Variants in NRXN3 observed in about 807,000 individuals in gnomAD.
The protein encoded by NRXN3 is neurexin III.
Under a neutral mutation model 137.6 loss-of-function variants are expected in NRXN3, and 32 were observed. That is an observed-to-expected ratio of 0.23 (90% confidence interval 0.18 to 0.31). NRXN3 has a LOEUF of 0.31. Among genes scored for constraint, NRXN3 ranks in the 10% least tolerant of loss-of-function variants. The pLI is 1.00. For synonymous variants in NRXN3, 798 were observed against 784.5 expected (o/e 1.02, Z -0.29); for missense variants, 1,574 against 2,062.5 (o/e 0.76, Z 4.59).
chr14:79,554,910 C>A (rs983927833), intron 16 of NRXN3, among the ~76,000 whole-genome samples: 1 of 152,126 alleles, frequency 6.6e-6, no homozygotes, highest in African/African-American at 2.4e-5. Context: ...CTTCCTCCTC[C>A]TTCAGGGAGT....
chr14:78,231,664 CTT>C lies in NRXN3; in HGVS notation c.-703-10725_-703-10724del, dbSNP rs2065418460. On this transcript the variant is annotated intron_variant, in intron 1 of 20. Transcript: ENST00000335750. The stretch of plus-strand genomic sequence containing the variant: ...GATCTGCACCCTTATTAGCATATGA[CTT>C]TGGAAAAATGACTTCATTTTCCAGA... 4 of 152,178 alleles carry C rather than the reference CTT, an allele frequency of 2.6e-5. No homozygotes were observed. In the South Asian group the frequency reaches 8.3e-4, roughly 32 times the overall value. 9.4% of individuals were successfully genotyped at this position (152,178 alleles called of 1,614,324 possible).
At chr14:78,802,171 G>A (rs1474792516) in intron 8 of NRXN3, among the ~76,000 whole-genome samples, 2 of 152,210 alleles carry the variant, frequency 1.3e-5, no homozygotes. Flanking sequence ...AAATTCACAT[G>A]TTGAACATCA....
chr14:78,522,485 G>T (rs1282221918), intron 4 of NRXN3, among the ~76,000 whole-genome samples: 1 of 152,170 alleles, frequency 6.6e-6, no homozygotes, highest in African/African-American at 2.4e-5. Context: ...ATCGGAAATA[G>T]TTGACTACAA....
intron 20 of NRXN3, chr14:79,854,041 G>A (rs1221440547): frequency 1.0e-6 from 1 of 984,272 alleles, no homozygotes; most frequent in African/African-American, 1.8e-5. Context: ...ATCATCCTCT[G>A]TTGTAAATTA....
chr14:78,618,506 T>C (rs1265431532), intron 4 of NRXN3, among the ~76,000 whole-genome samples: 1 of 152,156 alleles, frequency 6.6e-6, no homozygotes, highest in Non-Finnish European at 1.5e-5. Flanking sequence ...GCGCACCAGC[T>C]TTGAAATTAC....
chr14:79,624,802 T>G (rs74713620), intron 16 of NRXN3, among the ~76,000 whole-genome samples: 8 of 116,360 alleles, frequency 6.9e-5, no homozygotes, highest in African/African-American at 1.8e-4. Flanking sequence ...TTTTTTTTTT[T>G]GTTTGTTTTT....
intron 20 of NRXN3, among the ~76,000 whole-genome samples, chr14:79,816,205 G>A (rs1199355495): frequency 6.6e-6 from 1 of 152,154 alleles, no homozygotes; most frequent in Non-Finnish European, 1.5e-5. Flanking sequence ...AAATGGTAGA[G>A]GTAATATTCA....
chr14:79,095,513 T>C (rs1289895851), intron 15 of NRXN3, among the ~76,000 whole-genome samples: 3 of 152,142 alleles, frequency 2.0e-5, no homozygotes, highest in Non-Finnish European at 4.4e-5. Context: ...CCTTCATACA[T>C]TTATTCATCT....
intron 15 of NRXN3, among the ~76,000 whole-genome samples, chr14:79,116,076 A>G (rs964753528): frequency 6.6e-6 from 1 of 152,206 alleles, no homozygotes. Context: ...ACCTAAGCTG[A>G]TACTTCCAAA....
rs34451142 is a variant in NRXN3, at chr14:78,442,282, G to GAAA, written c.757+144433_757+144435dup. 9.1e-3 allele frequency among the ~76,000 whole-genome samples: 1,300 copies of GAAA among 142,888 alleles called. 14 individuals are homozygous for GAAA. The highest frequency in any genetic ancestry group is 0.026 in the Middle Eastern group (7 of 274). The allele number at this position is 142,888 out of a possible 152,430, so 93.7% of individuals were successfully genotyped here. Reference sequence around the variant, plus strand: ...ACCCTGTCACCCCCCAGAAAAAAAGGAAAAAAAAAAAAAGAAATACACAGG... The same window carrying GAAA: ...ACCCTGTCACCCCCCAGAAAAAAAGGAAAAAAAAAAAAAAAAGAAATACACAGG... On this transcript the variant is annotated intron_variant, in intron 4 of 20. Transcript: ENST00000335750.
intron 10 of NRXN3, among the ~76,000 whole-genome samples, chr14:78,852,612 C>T (rs902719366): frequency 3.3e-5 from 5 of 152,098 alleles, no homozygotes; most frequent in Non-Finnish European, 5.9e-5. Context: ...ACATTTGCTT[C>T]CCTTTGTTAG....
chr14:78,344,485 A>C (rs1203262595), intron 4 of NRXN3, among the ~76,000 whole-genome samples: 1 of 152,188 alleles, frequency 6.6e-6, no homozygotes, highest in East Asian at 1.9e-4. Context: ...GACTCACAAC[A>C]CATGCTCATT....
intron 4 of NRXN3, among the ~76,000 whole-genome samples, chr14:78,543,015 G>A (rs569922584): frequency 6.6e-6 from 1 of 152,032 alleles, no homozygotes. Flanking sequence ...GTCACTTTAG[G>A]TGGGGTAGAA....
chr14:79,840,735 A>C (rs2099354143), intron 20 of NRXN3, among the ~76,000 whole-genome samples: 1 of 152,226 alleles, frequency 6.6e-6, no homozygotes, highest in African/African-American at 2.4e-5. Flanking sequence ...TAAAGCATTT[A>C]ACACGATGTC....
chr14:79,280,139 T>G (rs1013831512), intron 15 of NRXN3: 12 of 1,482,584 alleles, frequency 8.1e-6, no homozygotes, highest in African/African-American at 1.4e-5. Context: ...TTTTAACTGA[T>G]TCATTGTTTG....
intron 16 of NRXN3, among the ~76,000 whole-genome samples, chr14:79,513,931 A>G (rs1601495207): frequency 6.6e-6 from 1 of 152,236 alleles, no homozygotes; most frequent in African/African-American, 2.4e-5. Context: ...ATGTCACTAT[A>G]CAATAAATTA....
At position 78,651,158 on chromosome 14, in the gene NRXN3, C is replaced by T. The variant is rs751819889; in HGVS notation, c.1060-7C>T. 2.5e-6 allele frequency: 4 copies of T among 1,612,764 alleles called. No individual in the cohort carries two copies. The highest frequency in any genetic ancestry group is 1.7e-5 in the Admixed American group (1 of 59,974). On this transcript the variant is annotated splice_region_variant and splice_polypyrimidine_tract_variant and intron_variant, in intron 5 of 20. Transcript: ENST00000335750. ...GGATTTTTTTTGTCCCTATGTCCCT[C>T]CACCAGGTGACAATCTCTGTGGATG... is the stretch of plus-strand genomic sequence containing the variant.
chr14:79,773,376 C>T (rs933732640), intron 19 of NRXN3, among the ~76,000 whole-genome samples: 1 of 152,080 alleles, frequency 6.6e-6, no homozygotes, highest in African/African-American at 2.4e-5. Flanking sequence ...TTGGAACCAA[C>T]CCAAATGTCC....
At position 78,541,808 on chromosome 14, in the gene NRXN3, A is replaced by G. The variant is rs148717910; in HGVS notation, c.758-103312A>G. Among the ~76,000 whole-genome samples the G allele has an allele frequency of 1.5e-3, 228 of 152,226 alleles. 1 individual carries two copies. Among genetic ancestry groups the G allele is most frequent in the African/African-American group, 5.4e-3 (224 of 41,536 alleles). On this transcript the variant is annotated intron_variant, in intron 4 of 20. Coordinates refer to ENST00000335750, the MANE Select transcript of NRXN3 (RefSeq NM_001330195.2). Reference sequence around the variant, plus strand: ...ACCTACAGATGGGGTTTTGGTGTAGATGACCTTTCTGTTGATGTTGATGCT... The same window carrying G: ...ACCTACAGATGGGGTTTTGGTGTAGGTGACCTTTCTGTTGATGTTGATGCT...
Sources: allele counts gnomAD v4.1 joint callset (sites outside exome capture counted in the v4.1 genomes callset), GRCh38; gene constraint gnomAD v4.1.1; transcripts MANE v1.5; gene names NCBI Gene and HGNC (gene_info 2026-07-23, HGNC 2026-07-21).